Variants in MCUB observed in about 807,000 individuals in gnomAD.
MCUB encodes calcium uniporter regulatory subunit MCUb, mitochondrial.
A neutral mutation model predicts 41.4 loss-of-function variants in MCUB; 46 were observed. The ratio of observed to expected loss-of-function variants is 1.11; its 90% CI spans 0.88 to 1.42. The LOEUF is 1.42. Among genes scored for constraint, MCUB ranks in the 40% most tolerant of loss-of-function variants. The probability of loss-of-function intolerance (pLI) is 0.00; values close to 1 mark genes in which losing one functional copy is unlikely to be tolerated. For missense variants in MCUB, 403 were observed against 404.9 expected, an observed-to-expected ratio of 1.00 and a Z score of 0.04; for synonymous variants, 148 against 148.2, an observed-to-expected ratio of 1.00 and a Z score of 0.01.
At chr4:109,603,860 C>T (rs1727807253) in intron 1 of MCUB, among the ~76,000 whole-genome samples, 1 of 152,224 alleles carries the variant, frequency 6.6e-6, no homozygotes, top group African/African-American at 2.4e-5. Flanking sequence ...GCCTCTCTGC[C>T]CGGCCGCCAC....
At chr4:109,661,137 T>A (rs1259688608) in intron 3 of MCUB, among the ~76,000 whole-genome samples, 1 of 152,180 alleles carries the variant, frequency 6.6e-6, no homozygotes, top group Non-Finnish European at 1.5e-5. Context: ...ATACATTTTT[T>A]AAAAAACCAG....
In MCUB at chr4:109,679,433, G is replaced by A. The variant is rs561154729; in HGVS notation, c.452-3149G>A. ...GGCCGAGGCGGGCAGATCACCTGAG[G>A]CCAGGAGCTGGAGACCAGCCCGGTC... On this transcript the variant is annotated intron_variant, in intron 4 of 7. Coordinates refer to ENST00000394650, the MANE Select transcript of MCUB (RefSeq NM_017918.5). Among the ~76,000 whole-genome samples the A allele has an allele frequency of 2.5e-3, 377 of 152,324 alleles. 1 individual carries two copies. The highest frequency in any genetic ancestry group is 0.017 in the South Asian group (82 of 4,824).
At position 109,601,359 on chromosome 4, in the gene MCUB, G is replaced by A. The variant is rs75040432; in HGVS notation, c.99+40923G>A. ...TTATTCTTTCTAACTTTTTGGGGGG[G>A]TACCTGTTAACCATTCACACTCCCT... On this transcript the variant is annotated intron_variant, in intron 1 of 7. Transcript: ENST00000394650. 9.2e-4 allele frequency among the ~76,000 whole-genome samples: 140 copies of A among 152,062 alleles called. No homozygotes were observed. In the East Asian group the frequency reaches 0.025, roughly 27 times the overall value.
At chr4:109,574,481 T>TGCA (rs1726985134) in intron 1 of MCUB, among the ~76,000 whole-genome samples, 1 of 152,176 alleles carries the variant, frequency 6.6e-6, no homozygotes. Context: ...AAGCCATCTA[T>TGCA]ATCTATGCAA....
intron 1 of MCUB, among the ~76,000 whole-genome samples, chr4:109,616,119 G>C (rs1299422513): frequency 6.6e-6 from 1 of 152,266 alleles, no homozygotes; most frequent in Non-Finnish European, 1.5e-5. Flanking sequence ...CTCGCAGTTA[G>C]TTCTCATTCA....
rs185705135 is a variant in MCUB, at chr4:109,619,680, C to G, written c.100-39331C>G. On this transcript the variant is annotated intron_variant, in intron 1 of 7. Transcript: ENST00000394650. ...TAAGATCGCACCACTGCACTCCAGC[C>G]TGGTGACTGGGTGGGACTCTGTCTC... is the stretch of plus-strand genomic sequence containing the variant. Among the ~76,000 whole-genome samples, 316 of 152,220 alleles carry G rather than the reference C, an allele frequency of 2.1e-3. 1 individual carries two copies. The highest frequency in any genetic ancestry group is 7.0e-3 in the African/African-American group (291 of 41,554).
rs536947810 is a variant in MCUB at position 109,566,460 on chromosome 4, ACT to A, written c.99+6027_99+6028del. On this transcript the variant is annotated intron_variant, in intron 1 of 7. Transcript: ENST00000394650. ...ACTCTAGCCTAGGCAACAGAGTGAG[ACT>A]CTGTCTCAAAAAAAAAAAAATAAAT... Among the ~76,000 whole-genome samples the A allele has an allele frequency of 1.1e-4, 15 of 142,820 alleles. No individual in the cohort carries two copies. The South Asian group carries it at 1.3e-3, about 13-fold the overall frequency. The allele number at this position is 142,820 out of a possible 152,430, so 93.7% of individuals were successfully genotyped here. A position where few individuals can be genotyped will look rare whatever the true frequency, so the allele number is the denominator to read the frequency against.
intron 1 of MCUB, among the ~76,000 whole-genome samples, chr4:109,562,881 G>GAAA (rs67010659): frequency 4.0e-5 from 6 of 149,708 alleles, no homozygotes; most frequent in South Asian, 2.1e-4. Context: ...TGGGTGAGGG[G>GAAA]AAAAAAAAAC....
chr4:109,597,170 CTT>C (rs762632094), intron 1 of MCUB, among the ~76,000 whole-genome samples: 7 of 152,082 alleles, frequency 4.6e-5, no homozygotes, highest in African/African-American at 1.7e-4. Flanking sequence ...ATTTCTCAAT[CTT>C]TTCCCCACCT....
chr4:109,583,798 T>C (rs1255758920), intron 1 of MCUB, among the ~76,000 whole-genome samples: 2 of 152,218 alleles, frequency 1.3e-5, no homozygotes, highest in Admixed American at 1.3e-4. Flanking sequence ...GTCGAAGGCC[T>C]TTTCTGCATC....
At chr4:109,585,167 C>A (rs1211211026) in intron 1 of MCUB, among the ~76,000 whole-genome samples, 1 of 152,136 alleles carries the variant, frequency 6.6e-6, no homozygotes, top group Non-Finnish European at 1.5e-5. Flanking sequence ...ATAGTTAGCT[C>A]TTCTTGTTCA....
rs377752139 is a variant in MCUB, at chr4:109,592,795, C to A, written c.99+32359C>A. Among the ~76,000 whole-genome samples, 13 of 152,228 alleles carry A rather than the reference C, an allele frequency of 8.5e-5. No individual in the cohort carries two copies. In the East Asian group the frequency reaches 2.3e-3, roughly 27 times the overall value. On this transcript the variant is annotated intron_variant, in intron 1 of 7. Coordinates refer to ENST00000394650, the MANE Select transcript of MCUB (RefSeq NM_017918.5). ...TCAGGAGTTTTGACAATACACAGAC[C>A]TATTAACTCATACTTCTATAAAGAT... is the stretch of plus-strand genomic sequence containing the variant.
At chr4:109,670,457 C>T (rs917505728) in intron 4 of MCUB, among the ~76,000 whole-genome samples, 2 of 152,134 alleles carry the variant, frequency 1.3e-5, no homozygotes, top group Non-Finnish European at 1.5e-5. Flanking sequence ...GTGGTTCATG[C>T]CTTTAATCCC....
chr4:109,669,486 C>T (rs908908105), intron 4 of MCUB, among the ~76,000 whole-genome samples: 3 of 151,846 alleles, frequency 2.0e-5, no homozygotes, highest in African/African-American at 7.3e-5. Context: ...AAATGATATA[C>T]GTATGTGTAG....
intron 1 of MCUB, among the ~76,000 whole-genome samples, chr4:109,604,708 A>G (rs929794090): frequency 4.6e-5 from 7 of 152,116 alleles, no homozygotes; most frequent in Admixed American, 2.6e-4. Context: ...CAGTTTTTCG[A>G]GAGTTTTTAT....
chr4:109,651,877 T>C lies in MCUB; in HGVS notation c.100-7134T>C, dbSNP rs187897658. Among the ~76,000 whole-genome samples, 364 of 152,364 alleles carry C rather than the reference T, an allele frequency of 2.4e-3. 3 individuals are homozygous for C. The highest frequency in any genetic ancestry group is 8.2e-3 in the African/African-American group (342 of 41,578). Reference sequence around the variant, plus strand: ...TACCCCAACTGGGCTCCAACATTTTTTTCTGAGCCTATTTCCCATGTGGAG... The same window carrying C: ...TACCCCAACTGGGCTCCAACATTTTCTTCTGAGCCTATTTCCCATGTGGAG... On this transcript the variant is annotated intron_variant, in intron 1 of 7. Transcript: ENST00000394650.
At chr4:109,651,011 A>G (rs998278238) in intron 1 of MCUB, among the ~76,000 whole-genome samples, 5 of 152,170 alleles carry the variant, frequency 3.3e-5, no homozygotes, top group Middle Eastern at 3.4e-3. Context: ...ATTACTGATA[A>G]TATTAATTTT....
At chr4:109,660,688 T>C (rs1306530277) in intron 3 of MCUB, among the ~76,000 whole-genome samples, 2 of 152,066 alleles carry the variant, frequency 1.3e-5, no homozygotes, top group African/African-American at 4.8e-5. Flanking sequence ...TGGTGGTACA[T>C]ACCTGTAATC....
intron 4 of MCUB, among the ~76,000 whole-genome samples, chr4:109,680,131 C>G (rs185976021): frequency 1.2e-4 from 18 of 152,230 alleles, no homozygotes; most frequent in Admixed American, 7.8e-4. Context: ...TCACCCAGAC[C>G]TGTCTTCTCA....
Sources: allele counts gnomAD v4.1 joint callset (sites outside exome capture counted in the v4.1 genomes callset), GRCh38; gene constraint gnomAD v4.1.1; transcripts MANE v1.5; gene names NCBI Gene and HGNC (gene_info 2026-07-23, HGNC 2026-07-21).